The following CEP41 variants were observed in gnomAD, a reference collection of about 807,000 sequenced individuals.
CEP41 encodes the protein centrosomal protein 41.
Under a neutral mutation model 44.3 loss-of-function variants are expected in CEP41, and 32 were observed. The ratio of observed to expected loss-of-function variants is 0.72; its 90% CI spans 0.54 to 0.97. The LOEUF is 0.97. CEP41 is among the 50% of genes least tolerant of loss of function. CEP41 has a pLI of 0.00. For synonymous variants in CEP41, 151 were observed against 168.5 expected (o/e 0.90, Z 0.80); for missense variants, 432 against 455.2 (o/e 0.95, Z 0.46).
At chr7:130,404,518 A>C in intron 6 of CEP41, 46 bp downstream of exon 6, 1 of 1,558,520 alleles carries the variant, frequency 6.4e-7, no homozygotes, top group Non-Finnish European at 8.9e-7. Context: ...CGTCTAGATT[A>C]ATATAAAGGC....
Position 130,402,922 on chromosome 7 carries a change from A to G in CEP41, c.423-123T>C, listed in dbSNP as rs1000392753. On this transcript the variant is annotated intron_variant, in intron 6 of 10. Coordinates refer to ENST00000223208, the MANE Select transcript of CEP41 (RefSeq NM_018718.3). ...CTTTTCAAAGGACGCTTCAAAGGCA[A>G]AGGAAAATGGACGTGGTGTCTCAGT... 32 of 1,001,024 alleles carry G rather than the reference A, an allele frequency of 3.2e-5. No homozygotes were observed. In the Admixed American group the frequency reaches 4.6e-4, roughly 14 times the overall value. 62.0% of individuals were successfully genotyped at this position (1,001,024 alleles called of 1,614,324 possible).
chr7:130,435,232 T>C (rs1343412455), intron 1 of CEP41, among the ~76,000 whole-genome samples: 1 of 151,966 alleles, frequency 6.6e-6, no homozygotes, highest in Non-Finnish European at 1.5e-5. Flanking sequence ...CATAGTGATA[T>C]AAGAAAATGT....
chr7:130,400,704 C>A lies in CEP41; in HGVS notation c.757+3G>T. The A allele has an allele frequency of 6.3e-7, 1 of 1,587,536 alleles. No individual in the cohort carries two copies. Among genetic ancestry groups the A allele is most frequent in the South Asian group, 1.1e-5 (1 of 89,560 alleles). ...GTCCCAAGCAGAGTATCACCTTGCT[C>A]ACCTCCGGAAAGCATGAAGAGGTTT... is the stretch of plus-strand genomic sequence containing the variant. On this transcript the variant is annotated splice_donor_region_variant and intron_variant, in intron 9 of 10. Coordinates refer to ENST00000223208, the MANE Select transcript of CEP41 (RefSeq NM_018718.3).
In CEP41 at chr7:130,394,181, T is replaced by C. The variant is rs1554413535; in HGVS notation, c.*4710A>G. 1.3e-5 allele frequency: 6 copies of C among 453,902 alleles called. No homozygotes were observed. Among genetic ancestry groups the C allele is most frequent in the Non-Finnish European group, 2.6e-5 (6 of 226,770 alleles). 28.1% of individuals were successfully genotyped at this position (453,902 alleles called of 1,614,324 possible). A position where few individuals can be genotyped will look rare whatever the true frequency, so the allele number is the denominator to read the frequency against. On this transcript the variant is annotated 3_prime_UTR_variant, in exon 11 of 11. Transcript: ENST00000223208. ...TTGTGCCCACCCAGAGTGAGAAGCA[T>C]AGAGCGGAGTGGCTGAAAGAACACC...
chr7:130,431,623 G>A (rs1031956343), intron 1 of CEP41, among the ~76,000 whole-genome samples: 3 of 152,176 alleles, frequency 2.0e-5, no homozygotes, highest in African/African-American at 4.8e-5. Flanking sequence ...GAATTCTGAG[G>A]GTTGAGGAGG....
chr7:130,409,875 G>A (rs182312223), intron 5 of CEP41, among the ~76,000 whole-genome samples: 80 of 152,098 alleles, frequency 5.3e-4, no homozygotes, highest in Admixed American at 1.6e-3. Context: ...TGGATGACTC[G>A]ATTCCCCAAA....
At chr7:130,402,393 T>C (rs1371966313) in intron 7 of CEP41, among the ~76,000 whole-genome samples, 2 of 150,750 alleles carry the variant, frequency 1.3e-5, no homozygotes, top group African/African-American at 4.9e-5. Context: ...TAAACACTTC[T>C]GTGAAAGAAA....
At chr7:130,401,836 A>G (rs782000784) in intron 8 of CEP41, 45 bp downstream of exon 8, 2 of 1,293,500 alleles carry the variant, frequency 1.5e-6, no homozygotes, top group East Asian at 4.6e-5. Context: ...TTTGATTCTT[A>G]CAATCCTCAT....
intron 2 of CEP41, among the ~76,000 whole-genome samples, chr7:130,422,734 G>A (rs1554422479): frequency 6.6e-6 from 1 of 152,150 alleles, no homozygotes; most frequent in Admixed American, 6.5e-5. Flanking sequence ...AATACTGTGA[G>A]TTTTAAGCAA....
At position 130,423,875 on chromosome 7, in the gene CEP41, T is replaced by C. The variant is rs183188398; in HGVS notation, c.97+4080A>G. 8.5e-5 allele frequency among the ~76,000 whole-genome samples: 13 copies of C among 152,144 alleles called. No homozygotes were observed. In the East Asian group the frequency reaches 2.1e-3, roughly 25 times the overall value. Reference sequence around the variant, plus strand: ...AAGCCAGACATAAAAGGCTACATACTGTATGATTGCATCTACACGAAATGT... The same window carrying C: ...AAGCCAGACATAAAAGGCTACATACCGTATGATTGCATCTACACGAAATGT... On this transcript the variant is annotated intron_variant, in intron 2 of 10. Coordinates refer to ENST00000223208, the MANE Select transcript of CEP41 (RefSeq NM_018718.3).
intron 2 of CEP41, chr7:130,422,141 A>C: frequency 2.0e-6 from 2 of 1,010,192 alleles, no homozygotes; most frequent in Non-Finnish European, 2.8e-6. Context: ...AACCAGGAGG[A>C]AGATAGCAGT....
intron 7 of CEP41, 124 bp downstream of exon 7, chr7:130,402,524 T>C: frequency 9.5e-7 from 1 of 1,052,896 alleles, no homozygotes; most frequent in South Asian, 1.3e-5. Flanking sequence ...GATTCCATAA[T>C]GGATCCAGCT....
At chr7:130,423,037 C>T (rs1234762872) in intron 2 of CEP41, among the ~76,000 whole-genome samples, 2 of 152,338 alleles carry the variant, frequency 1.3e-5, no homozygotes, top group East Asian at 3.9e-4. Flanking sequence ...GCCCCCGCCT[C>T]CTGGGTTCAA....
At chr7:130,410,783 G>A (rs1337530020) in intron 5 of CEP41, 8 of 359,714 alleles carry the variant, frequency 2.2e-5, no homozygotes, top group South Asian at 1.9e-4. Flanking sequence ...TCAATTTCAT[G>A]TAAGCAGAGC....
At chr7:130,440,465 G>A (rs1210309005) in intron 1 of CEP41, 4 of 237,848 alleles carry the variant, frequency 1.7e-5, no homozygotes, top group African/African-American at 9.3e-5. Flanking sequence ...GAAACTGAAG[G>A]GTCCTATGGA....
intron 1 of CEP41, among the ~76,000 whole-genome samples, chr7:130,434,528 T>C (rs572032956): frequency 1.3e-5 from 2 of 152,300 alleles, no homozygotes; most frequent in African/African-American, 4.8e-5. Flanking sequence ...TGTTTGTAAC[T>C]GCAGGTAGTC....
At chr7:130,419,827 A>G in intron 2 of CEP41, 2 of 985,352 alleles carry the variant, frequency 2.0e-6, no homozygotes, top group South Asian at 9.4e-5. Context: ...CTCACTCAGC[A>G]GGAAGTGACC....
chr7:130,400,200 G>A lies in CEP41; in HGVS notation c.812C>T (p.Pro271Leu), dbSNP rs782704918. ...AGGAAGGGCCTGCTGGCAAGATGCT[G>A]GCAGGGAACCAGTAATCAGTCCTTC... The part of the protein sequence containing the change: ...FPEGLITGSL[P>L]ASCQQALPPG... Residue 271 changes from proline (P) to leucine (L), a missense_variant, in exon 10 of 11, where the codon CCA becomes CTA. Transcript: ENST00000223208. The A allele has an allele frequency of 2.1e-5, 34 of 1,613,874 alleles. No individual in the cohort carries two copies. Among genetic ancestry groups the A allele is most frequent in the Middle Eastern group, 3.3e-4 (2 of 6,026 alleles).
chr7:130,400,860 T>C (rs1554416767), intron 8 of CEP41, 39 bp from the exon 9 acceptor site: 3 of 1,331,276 alleles, frequency 2.3e-6, no homozygotes. Flanking sequence ...GGCACTGGGC[T>C]GATGTCCCAA....
Sources: allele counts gnomAD v4.1 joint callset (sites outside exome capture counted in the v4.1 genomes callset), GRCh38; gene constraint gnomAD v4.1.1; transcripts MANE v1.5; gene names NCBI Gene and HGNC (gene_info 2026-07-23, HGNC 2026-07-21).